Variants in LRIG1 observed in about 807,000 individuals in gnomAD.
LRIG1 encodes leucine-rich repeats and immunoglobulin-like domains protein 1.
Under a neutral mutation model 99.2 loss-of-function variants are expected in LRIG1, and 48 were observed. That is an observed-to-expected ratio of 0.48 (90% CI 0.38 to 0.62). The LOEUF is 0.62. Among genes scored for constraint, LRIG1 ranks in the 20% least tolerant of loss-of-function variants. The probability of loss-of-function intolerance (pLI) is 0.00; values close to 1 mark genes in which losing one functional copy is unlikely to be tolerated. For missense variants in LRIG1, 1,646 were observed against 1,434.4 expected, an observed-to-expected ratio of 1.15 and a Z score of -2.38; for synonymous variants, 772 against 596.1, an observed-to-expected ratio of 1.29 and a Z score of -4.30.
At chr3:66,475,009 C>T (rs1215804239) in intron 1 of LRIG1, among the ~76,000 whole-genome samples, 1 of 152,166 alleles carries the variant, frequency 6.6e-6, no homozygotes, top group Admixed American at 6.5e-5. Flanking sequence ...GAGACAAGAG[C>T]CATTCAATTC....
intron 2 of LRIG1, among the ~76,000 whole-genome samples, chr3:66,459,284 T>C (rs1262598806): frequency 1.3e-5 from 2 of 152,170 alleles, no homozygotes; most frequent in South Asian, 2.1e-4. Flanking sequence ...GGTAAAAGCC[T>C]GTCTAGGCAA....
chr3:66,446,322 C>T (rs1164638596), intron 3 of LRIG1, among the ~76,000 whole-genome samples: 1 of 151,560 alleles, frequency 6.6e-6, no homozygotes, highest in Non-Finnish European at 1.5e-5. Context: ...TAGGACACCG[C>T]GTTTCTTTCC....
chr3:66,457,390 C>T (rs909469922), intron 2 of LRIG1, among the ~76,000 whole-genome samples: 5 of 151,756 alleles, frequency 3.3e-5, no homozygotes, highest in African/African-American at 4.8e-5. Context: ...CTGTTCTAGG[C>T]AGCAGGGAAT....
intron 9 of LRIG1, among the ~76,000 whole-genome samples, chr3:66,401,981 C>T (rs1003817641): frequency 2.6e-5 from 4 of 152,126 alleles, no homozygotes; most frequent in African/African-American, 7.2e-5. Context: ...CACTAGCCCC[C>T]GCTTCCCACC....
At chr3:66,498,608 A>G (rs993795918) in intron 1 of LRIG1, among the ~76,000 whole-genome samples, 1 of 152,140 alleles carries the variant, frequency 6.6e-6, no homozygotes, top group Non-Finnish European at 1.5e-5. Context: ...AAAAATCACA[A>G]TACCCCAGAC....
At chr3:66,396,649 T>C (rs1396752839) in intron 11 of LRIG1, among the ~76,000 whole-genome samples, 3 of 152,244 alleles carry the variant, frequency 2.0e-5, no homozygotes, top group African/African-American at 4.8e-5. Context: ...TCCAAGCTTC[T>C]GGAAGGGTCC....
In LRIG1 at chr3:66,386,287, G is replaced by C; in HGVS notation, c.1483C>G (p.Pro495Ala). Residue 495 changes from proline to alanine, a missense_variant, in exon 13 of 19, where the codon CCA becomes GCA. Pro to Ala is a conservative substitution (Grantham distance 27). Coordinates refer to ENST00000273261, the MANE Select transcript of LRIG1 (RefSeq NM_015541.3). ...ESFVCDDFLK[P>A]QIITQPETTM... ...GTTTCTGGCTGGGTGATGATCTGTG[G>C]CTTCAGGAAGTCATCTGGGGAGAGA... 2 of 1,613,884 alleles carry C rather than the reference G, an allele frequency of 1.2e-6. No homozygotes were observed. The highest frequency in any genetic ancestry group is 2.2e-5 in the East Asian group (1 of 44,876).
chr3:66,451,762 G>C (rs1445953821), intron 2 of LRIG1, 129 bp from the exon 3 acceptor site: 1 of 673,666 alleles, frequency 1.5e-6, no homozygotes. Flanking sequence ...TTGGAGAAAA[G>C]AGAAAGAATT....
At chr3:66,387,912 A>G (rs541186507) in intron 12 of LRIG1, 22 of 148,670 alleles carry the variant, frequency 1.5e-4, no homozygotes, top group African/African-American at 4.8e-4. Flanking sequence ...CCTGGCTAAC[A>G]TGGGGAAACC....
chr3:66,483,194 T>C (rs1054039807), intron 1 of LRIG1, among the ~76,000 whole-genome samples: 5 of 152,130 alleles, frequency 3.3e-5, no homozygotes, highest in Admixed American at 6.5e-5. Flanking sequence ...GCTGAGCTCA[T>C]CAGGGAGAAC....
chr3:66,459,940 C>G (rs1700318171), intron 2 of LRIG1, among the ~76,000 whole-genome samples: 1 of 152,138 alleles, frequency 6.6e-6, no homozygotes, highest in Non-Finnish European at 1.5e-5. Context: ...ATCAGTAATA[C>G]TAATCCTATC....
chr3:66,451,932 G>C (rs547006108), intron 2 of LRIG1, among the ~76,000 whole-genome samples: 4 of 152,158 alleles, frequency 2.6e-5, no homozygotes, highest in Admixed American at 6.5e-5. Flanking sequence ...GTGAGAACAA[G>C]CCAAGAGGCA....
chr3:66,397,811 G>A (rs144940258), intron 11 of LRIG1, among the ~76,000 whole-genome samples: 1 of 152,246 alleles, frequency 6.6e-6, no homozygotes, highest in African/African-American at 2.4e-5. Context: ...TTATAGAGGA[G>A]AGTATATTTC....
In LRIG1 at chr3:66,447,683, A is replaced by G. The variant is rs529733495; in HGVS notation, c.365+3876T>C. 3.9e-5 allele frequency among the ~76,000 whole-genome samples: 6 copies of G among 152,340 alleles called. No individual in the cohort carries two copies. In the South Asian group the frequency reaches 1.2e-3, roughly 32 times the overall value. ...ATGCTACAGTCCATGCACAGGAGAC[A>G]AAAGCTAAGACCAACTATACCACAT... On this transcript the variant is annotated intron_variant, in intron 3 of 18. Coordinates refer to ENST00000273261, the MANE Select transcript of LRIG1 (RefSeq NM_015541.3).
Position 66,384,012 on chromosome 3 carries a change from T to A in LRIG1, c.2050A>T (p.Asn684Tyr), listed in dbSNP as rs751260008. 5.6e-6 allele frequency: 9 copies of A among 1,613,324 alleles called. No individual in the cohort carries two copies. The highest frequency in any genetic ancestry group is 7.6e-6 in the Non-Finnish European group (9 of 1,179,630). The change falls in exon 14 of 19, where the codon AAT becomes TAT. Residue 684 changes from asparagine to tyrosine, a missense_variant. Coordinates refer to ENST00000273261, the MANE Select transcript of LRIG1 (RefSeq NM_015541.3). ...AQNSAGSISA[N>Y]ATLTVLETPS... ...AAACCTAGGACAGTCAGGGTGGCAT[T>A]AGCTGAAATAGAACCGGCTGAGTTC...
chr3:66,424,854 G>A (rs1339867791), intron 3 of LRIG1, among the ~76,000 whole-genome samples: 1 of 152,186 alleles, frequency 6.6e-6, no homozygotes, highest in East Asian at 1.9e-4. Flanking sequence ...AATTATAGGA[G>A]ATATTCAAAA....
At chr3:66,440,589 G>A (rs949643696) in intron 3 of LRIG1, among the ~76,000 whole-genome samples, 5 of 152,102 alleles carry the variant, frequency 3.3e-5, no homozygotes, top group Non-Finnish European at 5.9e-5. Flanking sequence ...TCCAATACCA[G>A]GCGGCCTCCA....
intron 3 of LRIG1, 21 bp downstream of exon 3, chr3:66,451,538 C>T: frequency 1.2e-6 from 2 of 1,612,710 alleles, no homozygotes; most frequent in Non-Finnish European, 1.7e-6. Flanking sequence ...AGCCCAGAGT[C>T]CCCCAAACGG....
chr3:66,387,838 C>G (rs1450036729), intron 12 of LRIG1: 1 of 151,478 alleles, frequency 6.6e-6, no homozygotes, highest in African/African-American at 2.4e-5. Context: ...TGGCTCACGC[C>G]TATAATCCCA....
Sources: gnomAD v4.1 joint callset for allele counts (sites outside exome capture counted in the v4.1 genomes callset) on GRCh38, gnomAD v4.1.1 for gene constraint, MANE v1.5 for transcripts, NCBI Gene and HGNC (gene_info 2026-07-23, HGNC 2026-07-21) for gene names.